NDUFAF2: variants seen among roughly 807,000 people sequenced by gnomAD.
The protein encoded by NDUFAF2 is NADH dehydrogenase [ubiquinone] 1 alpha subcomplex assembly factor 2.
In NDUFAF2, 13 loss-of-function variants were observed where a neutral mutation model predicts 22.8. The observed-to-expected ratio is 0.57, with a 90% CI of 0.37 to 0.91. NDUFAF2 has a LOEUF of 0.91. Among genes scored for constraint, NDUFAF2 ranks in the 40% least tolerant of loss-of-function variants. The pLI, the probability that NDUFAF2 is intolerant of heterozygous loss-of-function variation, is 0.01. For missense variants in NDUFAF2, 162 were observed against 195.2 expected, an observed-to-expected ratio of 0.83 and a Z score of 1.01; for synonymous variants, 53 against 64.2, an observed-to-expected ratio of 0.83 and a Z score of 0.84.
intron 1 of NDUFAF2, among the ~76,000 whole-genome samples, chr5:61,063,512 C>T (rs1270484779): frequency 6.6e-6 from 1 of 151,804 alleles, no homozygotes; most frequent in Non-Finnish European, 1.5e-5. Flanking sequence ...TCAAAACAAA[C>T]AAACAAGTCA....
In NDUFAF2 at chr5:61,025,366, AT is replaced by A. The variant is rs551409913; in HGVS notation, c.128-47755del. 6.4e-3 allele frequency among the ~76,000 whole-genome samples: 972 copies of A among 152,220 alleles called. 5 individuals are homozygous for A. The highest frequency in any genetic ancestry group is 0.011 in the Non-Finnish European group (714 of 67,956). Reference sequence around the variant, plus strand: ...GAATTTTTAAATAGGACTATGAATTATTTTGTTAGTAATATTAATAAAAGAT... The same window carrying A: ...GAATTTTTAAATAGGACTATGAATTATTTGTTAGTAATATTAATAAAAGAT... On this transcript the variant is annotated intron_variant, in intron 1 of 3. Transcript: ENST00000296597.
chr5:61,130,072 C>T (rs1753090083), intron 3 of NDUFAF2, among the ~76,000 whole-genome samples: 1 of 151,986 alleles, frequency 6.6e-6, no homozygotes. Flanking sequence ...TTTTTATTGC[C>T]AGAATGCAAA....
At chr5:60,975,605 C>T (rs1220674411) in intron 1 of NDUFAF2, among the ~76,000 whole-genome samples, 1 of 152,080 alleles carries the variant, frequency 6.6e-6, no homozygotes, top group Admixed American at 6.6e-5. Flanking sequence ...TCAGTATAGA[C>T]AACAGAACCA....
intron 3 of NDUFAF2, among the ~76,000 whole-genome samples, chr5:61,114,003 A>G (rs1752876840): frequency 6.6e-6 from 1 of 152,138 alleles, no homozygotes; most frequent in African/African-American, 2.4e-5. Context: ...TCTTGAGGTA[A>G]TCTTATATTT....
At chr5:61,124,548 T>C (rs555173811) in intron 3 of NDUFAF2, among the ~76,000 whole-genome samples, 3 of 152,228 alleles carry the variant, frequency 2.0e-5, no homozygotes, top group Admixed American at 2.0e-4. Context: ...ATCTAGACTG[T>C]CTAGTCCTGT....
intron 2 of NDUFAF2, among the ~76,000 whole-genome samples, chr5:61,098,015 A>G (rs1439416628): frequency 2.0e-5 from 3 of 152,210 alleles, no homozygotes; most frequent in Non-Finnish European, 4.4e-5. Context: ...AGTCTCCTAT[A>G]CAACATTGCA....
chr5:60,999,247 C>T (rs1234740974), intron 1 of NDUFAF2, among the ~76,000 whole-genome samples: 1 of 151,986 alleles, frequency 6.6e-6, no homozygotes, highest in African/African-American at 2.4e-5. Flanking sequence ...CAAACAGATA[C>T]TTAAATGCCT....
intron 3 of NDUFAF2, among the ~76,000 whole-genome samples, chr5:61,100,558 C>T (rs1752693600): frequency 6.6e-6 from 1 of 151,710 alleles, no homozygotes; most frequent in African/African-American, 2.4e-5. Flanking sequence ...CACACACACA[C>T]ACTCTTTTCC....
rs565528568 is a variant in NDUFAF2 at position 61,070,399 on chromosome 5, T to A, written c.128-2726T>A. ...TATTTATTCCAAAAAAAGGGAGTAG[T>A]TTTACAGTGATTTATTGAGGAGATA... On this transcript the variant is annotated intron_variant, in intron 1 of 3. Transcript: ENST00000296597. 9.9e-5 allele frequency among the ~76,000 whole-genome samples: 15 copies of A among 152,180 alleles called. No individual in the cohort carries two copies. In the East Asian group the frequency reaches 2.3e-3, roughly 23 times the overall value.
intron 1 of NDUFAF2, among the ~76,000 whole-genome samples, chr5:60,975,774 A>C (rs1366190724): frequency 6.6e-6 from 1 of 152,188 alleles, no homozygotes; most frequent in Non-Finnish European, 1.5e-5. Flanking sequence ...AAAACTATGA[A>C]AGTCAGGTGC....
At chr5:61,035,424 GTTTT>G (rs768889484) in intron 1 of NDUFAF2, among the ~76,000 whole-genome samples, 61 of 40,514 alleles carry the variant, frequency 1.5e-3, no homozygotes, top group African/African-American at 5.1e-3. Flanking sequence ...CTCTTGCTCT[GTTTT>G]TTTTTTTTTT....
intron 2 of NDUFAF2, among the ~76,000 whole-genome samples, chr5:61,089,434 G>C (rs964298610): frequency 2.6e-5 from 4 of 152,082 alleles, no homozygotes; most frequent in African/African-American, 7.2e-5. Context: ...ACAAAGTAAT[G>C]TCTTGATATT....
Position 61,107,671 on chromosome 5 carries a change from T to A in NDUFAF2, c.258+8639T>A, listed in dbSNP as rs1005425782. ...CTTTTTTTAATTATGATTACTATTA[T>A]TATTATTATTATACTTTAAGTTTTA... On this transcript the variant is annotated intron_variant, in intron 3 of 3. Coordinates refer to ENST00000296597, the MANE Select transcript of NDUFAF2 (RefSeq NM_174889.5). Among the ~76,000 whole-genome samples, 23 of 150,518 alleles carry A rather than the reference T, an allele frequency of 1.5e-4. 1 individual carries two copies. Among genetic ancestry groups the A allele is most frequent in the Non-Finnish European group, 2.9e-4 (20 of 67,856 alleles).
chr5:61,060,059 C>T (rs901092940), intron 1 of NDUFAF2, among the ~76,000 whole-genome samples: 1 of 152,090 alleles, frequency 6.6e-6, no homozygotes, highest in Non-Finnish European at 1.5e-5. Flanking sequence ...GCTAGCTATA[C>T]TACTTTAATC....
chr5:61,078,986 A>G (rs934785895), intron 2 of NDUFAF2, among the ~76,000 whole-genome samples: 3 of 152,168 alleles, frequency 2.0e-5, no homozygotes, highest in Non-Finnish European at 4.4e-5. Context: ...TGTTAACAGT[A>G]ATAAACATTT....
intron 2 of NDUFAF2, among the ~76,000 whole-genome samples, chr5:61,093,472 T>C (rs1752597382): frequency 6.6e-6 from 1 of 152,238 alleles, no homozygotes; most frequent in Admixed American, 6.5e-5. Flanking sequence ...CATGAAGGGA[T>C]GCTGATTTTA....
chr5:60,989,479 A>T (rs1168156353), intron 1 of NDUFAF2, among the ~76,000 whole-genome samples: 1 of 152,250 alleles, frequency 6.6e-6, no homozygotes, highest in African/African-American at 2.4e-5. Context: ...CACTATTCAC[A>T]ATAGCAAAGA....
intron 1 of NDUFAF2, among the ~76,000 whole-genome samples, chr5:61,001,700 A>G (rs1172110209): frequency 7.2e-5 from 11 of 152,142 alleles, no homozygotes. Context: ...ACTATAAAAT[A>G]TTTTTATATT....
chr5:60,963,764 C>G (rs776128868), intron 1 of NDUFAF2, among the ~76,000 whole-genome samples: 4 of 152,046 alleles, frequency 2.6e-5, no homozygotes, highest in Non-Finnish European at 5.9e-5. Context: ...TGGTAAGTGT[C>G]AAGAGAAAAG....
Sources: gnomAD v4.1 joint callset for allele counts (sites outside exome capture counted in the v4.1 genomes callset) on GRCh38, gnomAD v4.1.1 for gene constraint, MANE v1.5 for transcripts, NCBI Gene and HGNC (gene_info 2026-07-23, HGNC 2026-07-21) for gene names.